The following TP53I13 variants were observed in gnomAD, a reference collection of about 807,000 sequenced individuals.
The protein encoded by TP53I13 is tumor protein p53 inducible protein 13, also known as tumor protein p53-inducible protein 13.
TP53I13 carries 27 observed loss-of-function variants against 39.1 expected under a neutral mutation model. That is an observed-to-expected ratio of 0.69 (90% CI 0.51 to 0.95). The LOEUF (loss-of-function observed/expected upper bound fraction) is 0.95. Among genes scored for constraint, TP53I13 ranks in the 40% least tolerant of loss-of-function variants. The pLI is 0.00. For synonymous variants in TP53I13, 230 were observed against 224.6 expected (o/e 1.02, Z -0.22); for missense variants, 544 against 520.4 (o/e 1.05, Z -0.44).
At chr17:29,571,496 G>T (rs2150805401) in intron 3 of TP53I13, 95 bp from the exon 4 acceptor site, 2 of 1,549,334 alleles carry the variant, frequency 1.3e-6, no homozygotes, top group South Asian at 2.4e-5. Flanking sequence ...CAGCTATCCT[G>T]GGAGTACCTT....
Position 29,568,840 on chromosome 17 carries a change from C to T in TP53I13, c.72+10C>T, listed in dbSNP as rs763443843. 2.5e-6 allele frequency: 4 copies of T among 1,600,088 alleles called. No homozygotes were observed. Among genetic ancestry groups the T allele is most frequent in the East Asian group, 2.2e-5 (1 of 44,828 alleles). ...CCTGGGTCCCAGCGAGGTAAGGTGA[C>T]CCGCTCCTGGGAAGGCCTCGGCCCG... On this transcript the variant is annotated intron_variant, in intron 1 of 6. Coordinates refer to ENST00000301057, the MANE Select transcript of TP53I13 (RefSeq NM_138349.4). This position sits in a 1 kb window ranked among gnomAD's most constrained non-coding sequence, Gnocchi z 4.5.
At position 29,571,591 on chromosome 17, in the gene TP53I13, G is replaced by A. The variant is rs777578019; in HGVS notation, c.184G>A (p.Ala62Thr). ...VTYTRVSPGQ[A>T]EDVTFLYHPC... is the part of the protein sequence containing the mutation. ...TGATGTCTCTGTGCCTTTCCTCCAG[G>A]CTGAGGATGTCACCTTCCTCTACCA... is the stretch of plus-strand genomic sequence containing the variant. The change falls in exon 4 of 7, where the codon GCT (alanine) becomes ACT (threonine). Residue 62 changes from alanine (A) to threonine (T), a missense_variant and splice_region_variant. Transcript: ENST00000301057. The A allele has an allele frequency of 1.1e-5, 17 of 1,613,200 alleles. No homozygotes were observed. The South Asian group carries it at 1.6e-4, about 16-fold the overall frequency.
chr17:29,574,141 C>CA (rs930591376), downstream of TP53I13: 2 of 151,196 alleles, frequency 1.3e-5, no homozygotes, highest in African/African-American at 4.9e-5. Context: ...AAAAAAAAAA[C>CA]AGACTTTCCA....
Position 29,572,876 on chromosome 17 carries a change from C to A in TP53I13, c.1134C>A (p.Leu378=). 6.6e-7 allele frequency: 1 copy of A among 1,518,970 alleles called. No homozygotes were observed. Among genetic ancestry groups the A allele is most frequent in the Non-Finnish European group, 8.8e-7 (1 of 1,140,608 alleles). 94.1% of individuals were successfully genotyped at this position (1,518,970 alleles called of 1,614,324 possible). A position where few individuals can be genotyped will look rare whatever the true frequency, so the allele number is the denominator to read the frequency against. ...TCAAGCGCTCGCGCCGGAGACCCCT[C>A]CTCCCGCCCACGCCGGACAGCGGCC... is the stretch of plus-strand genomic sequence containing the variant. The part of the protein sequence containing the change: ...RRVKRSRRRP[L]LPPTPDSGPE... Residue 378 remains leucine, a synonymous_variant, in exon 7 of 7, where the codon CTC becomes CTA. Transcript: ENST00000301057.
chr17:29,572,921 G>A lies in TP53I13; in HGVS notation c.1179G>A (p.Glu393=), dbSNP rs1352094470. ...PDSGPEGESS[E] The stretch of plus-strand genomic sequence containing the variant: ...GCGGCCCGGAAGGCGAGAGCTCGGA[G>A]TGACGGCCTGGGACCTGCCACTGTG... Residue 393 remains glutamate, a synonymous_variant, in exon 7 of 7, where the codon GAG becomes GAA. Transcript: ENST00000301057. The A allele has an allele frequency of 6.1e-5, 91 of 1,492,582 alleles. No homozygotes were observed. The highest frequency in any genetic ancestry group is 7.7e-5 in the Non-Finnish European group (87 of 1,127,440). 92.5% of individuals were successfully genotyped at this position (1,492,582 alleles called of 1,614,324 possible).
rs972345482 is a variant in TP53I13, at chr17:29,571,239, A to T, written c.184-352A>T. 1.0e-5 allele frequency: 3 copies of T among 289,384 alleles called. No homozygotes were observed. In the Admixed American group the frequency reaches 1.4e-4, roughly 14 times the overall value. 17.9% of individuals were successfully genotyped at this position (289,384 alleles called of 1,614,324 possible). On this transcript the variant is annotated intron_variant, in intron 3 of 6. Transcript: ENST00000301057. Reference sequence around the variant, plus strand: ...TTGGGAGACTGTATAGATTGGATCGATGGTCTTCATTTGGGGGTTGCTTAT... The same window carrying T: ...TTGGGAGACTGTATAGATTGGATCGTTGGTCTTCATTTGGGGGTTGCTTAT...
At chr17:29,573,861 T>TTAAG (rs1260398585), downstream of TP53I13, 1 of 152,590 alleles carries the variant, frequency 6.6e-6, no homozygotes, top group Non-Finnish European at 1.5e-5. Flanking sequence ...GGTTTTTGAT[T>TTAAG]TAAGTTCATA....
chr17:29,576,198 T>TATGGGTCTCAAGGTG, downstream of TP53I13: 1 of 1,606,384 alleles, frequency 6.2e-7, no homozygotes, highest in Non-Finnish European at 8.5e-7. Flanking sequence ...TCCCCACACC[T>TATGGGTCTCAAGGTG]TGAGACCCAT....
chr17:29,572,226 A>G lies in TP53I13; in HGVS notation c.598A>G (p.Ser200Gly). The change falls in exon 6 of 7, where the codon AGT (serine) becomes GGT (glycine). Residue 200 changes from serine to glycine, a missense_variant. By Grantham distance (56) the Ser-to-Gly change is moderately conservative (BLOSUM62 0). Transcript: ENST00000301057. ...TSQGPRQPSS[S>G]GAKRRRLRAA... ...TCAAGGGCCCAGGCAGCCCTCTTCT[A>G]GTGGTGCCAAGAGGCGGAGGCTGCG... 1 of 1,612,338 alleles carries G rather than the reference A, an allele frequency of 6.2e-7. No individual in the cohort carries two copies. Among genetic ancestry groups the G allele is most frequent in the Non-Finnish European group, 8.5e-7 (1 of 1,179,964 alleles).
At chr17:29,576,783 G>C (rs1479385657), downstream of TP53I13, 1 of 1,575,754 alleles carries the variant, frequency 6.3e-7, no homozygotes, top group Non-Finnish European at 8.6e-7. Flanking sequence ...AGGCCCCTGG[G>C]CTACAAGAGG....
At chr17:29,573,584 A>C (rs1191973337), downstream of TP53I13, 1 of 152,582 alleles carries the variant, frequency 6.6e-6, no homozygotes, top group African/African-American at 2.4e-5. Context: ...GGATGGGGAG[A>C]GAGCTGGTGG....
At chr17:29,582,224 C>T in the TP53I13 span, 1 of 1,066,016 alleles carries the variant, frequency 9.4e-7, no homozygotes, top group Non-Finnish European at 1.4e-6. Context: ...CCTGGCTGCC[C>T]CTGGGACACC....
downstream of TP53I13, chr17:29,574,622 G>A: frequency 8.6e-7 from 1 of 1,168,872 alleles, no homozygotes; most frequent in South Asian, 1.2e-5. Flanking sequence ...CTCTGTTGGG[G>A]TGGGGATTAA....
downstream of TP53I13, chr17:29,575,001 T>C (rs1314112922): frequency 1.4e-6 from 2 of 1,476,162 alleles, no homozygotes; most frequent in Admixed American, 1.9e-5. The surrounding 1 kb of genome is among the most constrained non-coding windows in gnomAD (Gnocchi z 5.5). Context: ...TCCACCCAGG[T>C]AGCGATCAGA....
downstream of TP53I13, chr17:29,574,574 AG>A: frequency 2.4e-6 from 2 of 831,678 alleles, no homozygotes; most frequent in Non-Finnish European, 4.0e-6. Flanking sequence ...CCTGGCTGCC[AG>A]GGAGTGTGGC....
upstream of TP53I13, chr17:29,566,404 G>T (rs1451867931): frequency 1.2e-6 from 2 of 1,611,626 alleles, no homozygotes; most frequent in Non-Finnish European, 1.7e-6. Context: ...GAAGATGACC[G>T]GGTAGTAGCC....
chr17:29,578,387 G>T, the TP53I13 span: 6 of 1,613,244 alleles, frequency 3.7e-6, no homozygotes, highest in Non-Finnish European at 5.1e-6. Flanking sequence ...GGAAGAGAGG[G>T]GCCCAGATGT....
At chr17:29,581,573 C>T in the TP53I13 span, 7 of 695,500 alleles carry the variant, frequency 1.0e-5, no homozygotes, top group Middle Eastern at 3.7e-4. The surrounding 1 kb of genome is among the most constrained non-coding windows in gnomAD (Gnocchi z 4.8). Context: ...CTAGCCCCAG[C>T]GATGCTATGG....
chr17:29,576,416 C>T (rs150427746), downstream of TP53I13: 23 of 1,612,842 alleles, frequency 1.4e-5, no homozygotes, highest in African/African-American at 2.1e-4. Context: ...TGGAGGCTGC[C>T]GGAGCTGCAG....
Sources: allele counts gnomAD v4.1 joint callset, GRCh38; gene constraint gnomAD v4.1.1; non-coding constraint Gnocchi (gnomAD v3.1); transcripts MANE v1.5; gene names NCBI Gene and HGNC (gene_info 2026-07-23, HGNC 2026-07-21).